The following PALD1 variants were observed in gnomAD, a reference collection of about 807,000 sequenced individuals.
PALD1 encodes paladin.
Under a neutral mutation model 96.0 loss-of-function variants are expected in PALD1, and 57 were observed. That is an observed-to-expected ratio of 0.59 (90% confidence interval 0.48 to 0.74). The LOEUF (loss-of-function observed/expected upper bound fraction) is 0.74, where lower values mean the gene tolerates loss of function less well. Among genes scored for constraint, PALD1 ranks in the 30% least tolerant of loss-of-function variants. The pLI is 0.00. For missense variants in PALD1, 1,063 were observed against 1,143.7 expected (o/e 0.93, Z 1.02); for synonymous variants, 464 against 473.6 (o/e 0.98, Z 0.26).
At position 70,568,416 on chromosome 10, in the gene PALD1, CA is replaced by C. The variant is rs1847893320; in HGVS notation, c.*1684del. 1 of 88,768 alleles carries C rather than the reference CA, an allele frequency of 1.1e-5. No homozygotes were observed. The highest frequency in any genetic ancestry group is 3.9e-5 in the African/African-American group (1 of 25,606). The allele number at this position is 88,768 out of a possible 1,614,324, so 5.5% of individuals were successfully genotyped here. A position where few individuals can be genotyped will look rare whatever the true frequency, so the allele number is the denominator to read the frequency against. ...ATTTGTGATTTTTTTTTTTTTTGTA[CA>C]GAGCTTTTAAGCATTAAAAACAGCT... On this transcript the variant is annotated 3_prime_UTR_variant, in exon 20 of 20. Coordinates refer to ENST00000263563, the MANE Select transcript of PALD1 (RefSeq NM_014431.3).
At chr10:70,526,184 CG>C in intron 2 of PALD1, 48 bp downstream of exon 2, 3 of 1,520,820 alleles carry the variant, frequency 2.0e-6, no homozygotes, top group South Asian at 1.2e-5. Context: ...ACATGATGGG[CG>C]GGGGGACCTG....
chr10:70,477,907 G>A (rs1845850920), upstream of PALD1, among the ~76,000 whole-genome samples: 1 of 44,626 alleles, frequency 2.2e-5, no homozygotes, highest in Non-Finnish European at 6.9e-5. Flanking sequence ...CTATCTCTCC[G>A]CGAGGAAGCA....
chr10:70,535,377 C>T (rs1010708463), intron 10 of PALD1, among the ~76,000 whole-genome samples: 1 of 149,494 alleles, frequency 6.7e-6, no homozygotes, highest in African/African-American at 2.5e-5. Context: ...CTTCCTCCTC[C>T]TCCTTCTCCT....
chr10:70,507,111 A>ATCTTTCTATTAAAAAAAT (rs1846406057), intron 1 of PALD1, among the ~76,000 whole-genome samples: 3 of 151,894 alleles, frequency 2.0e-5, no homozygotes, highest in South Asian at 4.1e-4. Context: ...ATTAAAAAAA[A>ATCTTTCTATTAAAAAAAT]TTTTTTTAGG....
At chr10:70,522,742 C>G (rs923346372) in intron 1 of PALD1, among the ~76,000 whole-genome samples, 1 of 152,188 alleles carries the variant, frequency 6.6e-6, no homozygotes, top group Non-Finnish European at 1.5e-5. Flanking sequence ...CCACCTGCAC[C>G]CCTACCTTTG....
chr10:70,546,087 A>G (rs886249139), intron 17 of PALD1, among the ~76,000 whole-genome samples: 1 of 152,030 alleles, frequency 6.6e-6, no homozygotes, highest in African/African-American at 2.4e-5. Flanking sequence ...AAATACAAAA[A>G]TTAGCTGGGT....
At position 70,541,277 on chromosome 10, in the gene PALD1, G is replaced by T. The variant is rs770440015; in HGVS notation, c.2049+35G>T. 6.3e-6 allele frequency: 10 copies of T among 1,582,438 alleles called. No homozygotes were observed. The Admixed American group carries it at 1.2e-4, about 19-fold the overall frequency. On this transcript the variant is annotated intron_variant, in intron 16 of 19. Coordinates refer to ENST00000263563, the MANE Select transcript of PALD1 (RefSeq NM_014431.3). ...GCCTCTCAAGTGAGATTAGAGATTT[G>T]CCTGGAGGAGGGTAGACACTCAGGT...
Position 70,520,934 on chromosome 10 carries a change from C to T in PALD1, c.-29-4989C>T, listed in dbSNP as rs186696125. ...CTCGAATTCCTGACCTTAGATGATCCGCCCGCCTCAGCCTCCCAAAATGCT... is the reference window on the plus strand; with the variant it reads ...CTCGAATTCCTGACCTTAGATGATCTGCCCGCCTCAGCCTCCCAAAATGCT... On this transcript the variant is annotated intron_variant, in intron 1 of 19. Transcript: ENST00000263563. 4.3e-3 allele frequency among the ~76,000 whole-genome samples: 651 copies of T among 152,194 alleles called. 2 individuals are homozygous for T. The highest frequency in any genetic ancestry group is 0.015 in the African/African-American group (621 of 41,540).
At position 70,529,340 on chromosome 10, in the gene PALD1, A is replaced by G. The variant is rs367768138; in HGVS notation, c.288+9A>G. Reference sequence around the variant, plus strand: ...AGCACTACCTGGTGCAAGTGAGCTCAGGCCTTACCCTGCCAGCCCGCCTGC... The same window carrying G: ...AGCACTACCTGGTGCAAGTGAGCTCGGGCCTTACCCTGCCAGCCCGCCTGC... On this transcript the variant is annotated intron_variant, in intron 3 of 19. Transcript: ENST00000263563. The G allele has an allele frequency of 1.3e-6, 2 of 1,496,474 alleles. No individual in the cohort carries two copies. Among genetic ancestry groups the G allele is most frequent in the Non-Finnish European group, 1.9e-6 (2 of 1,079,562 alleles). 92.7% of individuals were successfully genotyped at this position (1,496,474 alleles called of 1,614,324 possible). A position where few individuals can be genotyped will look rare whatever the true frequency, so the allele number is the denominator to read the frequency against.
chr10:70,510,708 A>G (rs1846497454), intron 1 of PALD1, among the ~76,000 whole-genome samples: 1 of 152,168 alleles, frequency 6.6e-6, no homozygotes, highest in South Asian at 2.1e-4. Flanking sequence ...AAGGCTCCCT[A>G]GAGGGAAAAG....
the PALD1 span, among the ~76,000 whole-genome samples, chr10:70,472,012 C>T: frequency 5.1e-3 from 773 of 152,292 alleles, 3 homozygotes; most frequent in African/African-American, 0.017. Flanking sequence ...CTGGGGGCCT[C>T]GGCCTTTGGA....
At chr10:70,467,782 C>T in the PALD1 span, among the ~76,000 whole-genome samples, 2 of 152,096 alleles carry the variant, frequency 1.3e-5, no homozygotes, top group African/African-American at 4.8e-5. Flanking sequence ...ACTTAGAACG[C>T]ACCCAGGATA....
At chr10:70,469,622 C>G in the PALD1 span, among the ~76,000 whole-genome samples, 4 of 152,032 alleles carry the variant, frequency 2.6e-5, no homozygotes, top group Non-Finnish European at 4.4e-5. Flanking sequence ...GGTGGGCTGG[C>G]TGGTGTCTGT....
At chr10:70,526,486 T>C (rs1163822731) in intron 2 of PALD1, among the ~76,000 whole-genome samples, 1 of 152,218 alleles carries the variant, frequency 6.6e-6, no homozygotes, top group African/African-American at 2.4e-5. Flanking sequence ...TTGGGATTTC[T>C]TTTTCACAGA....
chr10:70,509,535 GA>G (rs1229601827), intron 1 of PALD1, among the ~76,000 whole-genome samples: 1 of 152,214 alleles, frequency 6.6e-6, no homozygotes, highest in African/African-American at 2.4e-5. Flanking sequence ...ATGTACTTAG[GA>G]AACACCAGGC....
chr10:70,564,637 C>A, intron 19 of PALD1, 118 bp downstream of exon 19: 1 of 882,192 alleles, frequency 1.1e-6, no homozygotes, highest in Non-Finnish European at 1.8e-6. Context: ...GCGGGAAGAG[C>A]CCCCATCCCC....
In PALD1 at chr10:70,541,597, T is replaced by C. The variant is rs371295338; in HGVS notation, c.2121+63T>C. ...ATGGGAGGAGGAGGAGGACTCCTGC[T>C]TGCCGGTCTAGGGGTCCTCAAAGCA... On this transcript the variant is annotated intron_variant, in intron 17 of 19. Transcript: ENST00000263563. The C allele has an allele frequency of 1.2e-3, 1,522 of 1,266,606 alleles. 18 individuals carry two copies. In the South Asian group the frequency reaches 0.018, roughly 15 times the overall value. 78.5% of individuals were successfully genotyped at this position (1,266,606 alleles called of 1,614,324 possible). A position where few individuals can be genotyped will look rare whatever the true frequency, so the allele number is the denominator to read the frequency against.
Position 70,539,089 on chromosome 10 carries a change from C to A in PALD1, c.1570-3C>A. 1 of 1,613,882 alleles carries A rather than the reference C, an allele frequency of 6.2e-7. No individual in the cohort carries two copies. On this transcript the variant is annotated splice_region_variant and splice_polypyrimidine_tract_variant and intron_variant, in intron 13 of 19. Transcript: ENST00000263563. The surrounding 1 kb of genome is among the most constrained non-coding windows in gnomAD (Gnocchi z 4.5). ...CACTCACTGCCGGCCCTCCTGTGCC[C>A]AGGCCCTGGGGAGCATCCTGGCCTA...
intron 1 of PALD1, among the ~76,000 whole-genome samples, chr10:70,492,235 A>G (rs1160503927): frequency 6.6e-6 from 1 of 152,124 alleles, no homozygotes; most frequent in South Asian, 2.1e-4. Context: ...TCATTAAGTC[A>G]TATACAGACG....
Sources: gnomAD v4.1 joint callset for allele counts (sites outside exome capture counted in the v4.1 genomes callset) on GRCh38, gnomAD v4.1.1 for gene constraint, Gnocchi (gnomAD v3.1) non-coding constraint, MANE v1.5 for transcripts, NCBI Gene and HGNC (gene_info 2026-07-23, HGNC 2026-07-21) for gene names.